TSPEAR: variants seen among roughly 807,000 people sequenced by gnomAD.
The protein encoded by TSPEAR is thrombospondin-type laminin G domain and EAR repeat-containing protein.
In TSPEAR, 69 loss-of-function variants were observed where a neutral mutation model predicts 71.6. The observed-to-expected ratio is 0.96, with a 90% CI of 0.79 to 1.18. The LOEUF is 1.18. Ranked by LOEUF, TSPEAR falls within the 50% of genes most tolerant of loss-of-function variation. The pLI, the probability that TSPEAR is intolerant of heterozygous loss-of-function variation, is 0.00. For missense variants in TSPEAR, 971 were observed against 894.9 expected (o/e 1.09, Z -1.09); for synonymous variants, 402 against 387.2 (o/e 1.04, Z -0.45).
chr21:44,568,264 T>G (rs1057379440), intron 1 of TSPEAR, among the ~76,000 whole-genome samples: 4 of 152,118 alleles, frequency 2.6e-5, no homozygotes, highest in African/African-American at 7.2e-5. Flanking sequence ...GCAGGTAACA[T>G]TCCACCCATG....
chr21:44,536,047 G>A (rs1166416955), intron 2 of TSPEAR, among the ~76,000 whole-genome samples: 1 of 152,224 alleles, frequency 6.6e-6, no homozygotes, highest in Non-Finnish European at 1.5e-5. Flanking sequence ...CTCTTCTGTG[G>A]AAGGAAGCCC....
chr21:44,610,230 C>T (rs1048640676), intron 1 of TSPEAR, among the ~76,000 whole-genome samples: 4 of 152,218 alleles, frequency 2.6e-5, no homozygotes, highest in African/African-American at 9.7e-5. Context: ...TTGTTAATCC[C>T]CAAGACCATG....
At chr21:44,558,120 C>T in intron 2 of TSPEAR, 1 of 1,612,478 alleles carries the variant, frequency 6.2e-7, no homozygotes, top group Non-Finnish European at 8.5e-7. Flanking sequence ...CGTGGGGCGG[C>T]AGAGGAGGGA....
At chr21:44,689,733 A>ATTTTTTTTTTTTT (rs1460874522) in intron 1 of TSPEAR, among the ~76,000 whole-genome samples, 1 of 121,484 alleles carries the variant, frequency 8.2e-6, no homozygotes, top group African/African-American at 3.4e-5. Flanking sequence ...ATATATATAT[A>ATTTTTTTTTTTTT]TATATATTTT....
intron 1 of TSPEAR, chr21:44,579,683 ACCT>A (rs1978744852): frequency 4.6e-6 from 7 of 1,532,086 alleles, no homozygotes; most frequent in Non-Finnish European, 6.1e-6. Context: ...AGCGGGGGCA[ACCT>A]CCTAACCCGA....
chr21:44,711,287 C>A lies in TSPEAR; in HGVS notation c.82+146G>T. 1 of 696,492 alleles carries A rather than the reference C, an allele frequency of 1.4e-6. No homozygotes were observed. Among genetic ancestry groups the A allele is most frequent in the South Asian group, 1.9e-5 (1 of 52,570 alleles). The allele number at this position is 696,492 out of a possible 1,614,324, so 43.1% of individuals were successfully genotyped here. On this transcript the variant is annotated intron_variant, in intron 1 of 11. Coordinates refer to ENST00000323084, the MANE Select transcript of TSPEAR (RefSeq NM_144991.3). The surrounding 1 kb of genome is among the most constrained non-coding windows in gnomAD (Gnocchi z 4.5). ...GTGCTCCTCCCGCCTCTGCCCATCTCCACAGGGTGCTACCTGCCAGTCCTG... is the reference window on the plus strand; with the variant it reads ...GTGCTCCTCCCGCCTCTGCCCATCTACACAGGGTGCTACCTGCCAGTCCTG...
At chr21:44,539,314 G>T (rs200623181) in intron 2 of TSPEAR, 4 of 1,610,802 alleles carry the variant, frequency 2.5e-6, no homozygotes, top group Non-Finnish European at 2.5e-6. Context: ...AGCAGGCCGG[G>T]CGGGAGCACG....
chr21:44,645,556 G>T (rs1375819332), intron 1 of TSPEAR, among the ~76,000 whole-genome samples: 2 of 151,812 alleles, frequency 1.3e-5, no homozygotes, highest in African/African-American at 4.8e-5. Flanking sequence ...GTTTCACCAT[G>T]CTGGCCAGGC....
chr21:44,512,285 G>A (rs2052408905), intron 9 of TSPEAR, among the ~76,000 whole-genome samples: 1 of 143,360 alleles, frequency 7.0e-6, no homozygotes, highest in Admixed American at 6.9e-5. Flanking sequence ...GGACGGCTCT[G>A]AGACCCACAG....
intron 9 of TSPEAR, among the ~76,000 whole-genome samples, chr21:44,512,013 G>A (rs1323200187): frequency 6.6e-6 from 1 of 152,206 alleles, no homozygotes; most frequent in Non-Finnish European, 1.5e-5. Context: ...TGGGGGCACA[G>A]AGGAAGAGGG....
chr21:44,583,086 T>C (rs782024082), intron 1 of TSPEAR, among the ~76,000 whole-genome samples: 2 of 152,154 alleles, frequency 1.3e-5, no homozygotes, highest in African/African-American at 2.4e-5. Context: ...AAGTGATCCA[T>C]CCGTTTCAGT....
chr21:44,535,924 A>C (rs2053083721), intron 2 of TSPEAR, among the ~76,000 whole-genome samples: 1 of 152,116 alleles, frequency 6.6e-6, no homozygotes, highest in Non-Finnish European at 1.5e-5. Flanking sequence ...AAAAGAAAAA[A>C]AAAAACTATC....
intron 1 of TSPEAR, chr21:44,702,643 C>T (rs1447678411): frequency 6.3e-7 from 1 of 1,588,918 alleles, no homozygotes; most frequent in African/African-American, 1.3e-5. Flanking sequence ...TGTGTGCAGG[C>T]CCACCTGCTG....
intron 1 of TSPEAR, chr21:44,675,941 T>G: frequency 1.2e-6 from 1 of 814,796 alleles, no homozygotes; most frequent in Non-Finnish European, 2.2e-6. Flanking sequence ...CATTATCTGT[T>G]TCGTTTCTAG....
At chr21:44,500,222 C>A (rs189340197) in intron 11 of TSPEAR, among the ~76,000 whole-genome samples, 126 of 152,372 alleles carry the variant, frequency 8.3e-4, no homozygotes, top group African/African-American at 2.8e-3. Context: ...GACCCCCAAA[C>A]GTGCAGTTCC....
At chr21:44,603,096 C>T (rs1173831676) in intron 1 of TSPEAR, among the ~76,000 whole-genome samples, 1 of 151,974 alleles carries the variant, frequency 6.6e-6, no homozygotes, top group East Asian at 1.9e-4. Context: ...GCCAGGCCAT[C>T]GTAGGTTTCA....
chr21:44,612,373 C>T lies in TSPEAR; in HGVS notation c.83-44368G>A, dbSNP rs1428441587. 26 of 1,613,882 alleles carry T rather than the reference C, an allele frequency of 1.6e-5. No individual in the cohort carries two copies. Among genetic ancestry groups the T allele is most frequent in the Middle Eastern group, 1.6e-4 (1 of 6,070 alleles). On this transcript the variant is annotated intron_variant, in intron 1 of 11. Coordinates refer to ENST00000323084, the MANE Select transcript of TSPEAR (RefSeq NM_144991.3). This position sits in a 1 kb window ranked among gnomAD's most constrained non-coding sequence, Gnocchi z 4.1. Reference sequence around the variant, plus strand: ...CCAGCCCCTGCCAATCAGGCTGCACCGACTCCTGCACACCTTCATGCTGCC... The same window carrying T: ...CCAGCCCCTGCCAATCAGGCTGCACTGACTCCTGCACACCTTCATGCTGCC...
intron 1 of TSPEAR, among the ~76,000 whole-genome samples, chr21:44,667,775 T>C (rs17284056): frequency 0.039 from 5,998 of 152,266 alleles, 129 homozygotes; most frequent in Middle Eastern, 0.085. Context: ...ACCAGATCAC[T>C]TGGAACTTGG....
intron 1 of TSPEAR, among the ~76,000 whole-genome samples, chr21:44,569,832 A>G (rs980627751): frequency 6.6e-6 from 1 of 151,808 alleles, no homozygotes; most frequent in Non-Finnish European, 1.5e-5. Context: ...TCCCAGGCTG[A>G]CTCTGGGAGG....
Sources: allele counts gnomAD v4.1 joint callset (sites outside exome capture counted in the v4.1 genomes callset), GRCh38; gene constraint gnomAD v4.1.1; non-coding constraint Gnocchi (gnomAD v3.1); transcripts MANE v1.5; gene names NCBI Gene and HGNC (gene_info 2026-07-23, HGNC 2026-07-21).